Variants in CTNND2 observed in about 807,000 individuals in gnomAD.
CTNND2 encodes catenin delta-2.
In CTNND2, 22 loss-of-function variants were observed where a neutral mutation model predicts 144.4. That is an observed-to-expected ratio of 0.15 (90% CI 0.11 to 0.22). CTNND2 has a LOEUF of 0.22. Among genes scored for constraint, CTNND2 ranks in the 10% least tolerant of loss-of-function variants. The pLI is 1.00. For synonymous variants in CTNND2, 751 were observed against 695.6 expected (o/e 1.08, Z -1.25); for missense variants, 1,353 against 1,618.8 (o/e 0.84, Z 2.82).
At chr5:11,300,314 A>G (rs1339393013) in intron 9 of CTNND2, among the ~76,000 whole-genome samples, 1 of 152,176 alleles carries the variant, frequency 6.6e-6, no homozygotes, top group African/African-American at 2.4e-5. Context: ...AGGACACCCA[A>G]GGGAACTTCA....
intron 10 of CTNND2, among the ~76,000 whole-genome samples, chr5:11,204,391 G>C (rs910759054): frequency 6.6e-6 from 1 of 152,190 alleles, no homozygotes; most frequent in Non-Finnish European, 1.5e-5. Flanking sequence ...TTAAACTCTA[G>C]AACTGAGAGT....
chr5:11,102,809 T>C (rs1752027682), intron 14 of CTNND2, among the ~76,000 whole-genome samples: 2 of 152,000 alleles, frequency 1.3e-5, no homozygotes, highest in African/African-American at 4.8e-5. Context: ...AGAGCATACA[T>C]AATGGCCCCT....
intron 3 of CTNND2, among the ~76,000 whole-genome samples, chr5:11,451,949 C>T (rs1765350140): frequency 6.6e-6 from 1 of 152,180 alleles, no homozygotes; most frequent in African/African-American, 2.4e-5. Context: ...CATGGAATTC[C>T]AAAGTCCACT....
chr5:11,572,848 C>T (rs1280428083), intron 2 of CTNND2, among the ~76,000 whole-genome samples: 1 of 152,126 alleles, frequency 6.6e-6, no homozygotes, highest in African/African-American at 2.4e-5. Context: ...TCTTCTGCAG[C>T]TAAGATTGAA....
At chr5:11,282,668 C>T (rs902560060) in intron 9 of CTNND2, among the ~76,000 whole-genome samples, 4 of 152,186 alleles carry the variant, frequency 2.6e-5, no homozygotes, top group Non-Finnish European at 4.4e-5. Flanking sequence ...ATTTACATAT[C>T]TTTTTTGAAT....
chr5:11,047,876 G>T (rs796599529), intron 16 of CTNND2, among the ~76,000 whole-genome samples: 5 of 152,236 alleles, frequency 3.3e-5, no homozygotes, highest in African/African-American at 1.2e-4. Context: ...TATGCTCCAG[G>T]AGATGGGACT....
At chr5:11,678,087 A>G (rs138158855) in intron 2 of CTNND2, among the ~76,000 whole-genome samples, 243 of 152,300 alleles carry the variant, frequency 1.6e-3, no homozygotes, top group African/African-American at 5.6e-3. Context: ...TGTCAGACAG[A>G]ACTCTGACAA....
rs187992535 is a variant in CTNND2 at position 11,283,567 on chromosome 5, G to A, written c.1629-46744C>T. Among the ~76,000 whole-genome samples, 609 of 150,492 alleles carry A rather than the reference G, an allele frequency of 4.0e-3. 3 individuals are homozygous for A. Among genetic ancestry groups the A allele is most frequent in the Middle Eastern group, 0.014 (4 of 288 alleles). ...CACCTGCCTGTAGTCCCAGCTACAC[G>A]GGAGGCTGAGGTGGGAGAATCACTT... On this transcript the variant is annotated intron_variant, in intron 9 of 21. Transcript: ENST00000304623.
At chr5:11,608,798 C>G (rs905160705) in intron 2 of CTNND2, among the ~76,000 whole-genome samples, 1 of 152,170 alleles carries the variant, frequency 6.6e-6, no homozygotes, top group Non-Finnish European at 1.5e-5. Context: ...CATCATTTTA[C>G]TCTTTTGCCT....
In CTNND2 at chr5:11,040,490, T is replaced by C. The variant is rs539743214; in HGVS notation, c.2789-17511A>G. On this transcript the variant is annotated intron_variant, in intron 16 of 21. Transcript: ENST00000304623. ...CCATCTGTTTGGAAGACAAAAGGAATTGTATGTTTCAGCACCTTGTCTCAT... is the reference window on the plus strand; with the variant it reads ...CCATCTGTTTGGAAGACAAAAGGAACTGTATGTTTCAGCACCTTGTCTCAT... Among the ~76,000 whole-genome samples, 551 of 152,286 alleles carry C rather than the reference T, an allele frequency of 3.6e-3. 2 individuals are homozygous for C. The highest frequency in any genetic ancestry group is 0.012 in the South Asian group (60 of 4,830).
At chr5:11,205,599 C>T (rs1362634758) in intron 10 of CTNND2, among the ~76,000 whole-genome samples, 1 of 152,002 alleles carries the variant, frequency 6.6e-6, no homozygotes, top group Non-Finnish European at 1.5e-5. Context: ...ACACAATTTA[C>T]CTCACTGAAT....
chr5:11,309,878 T>A (rs1371212747), intron 9 of CTNND2, among the ~76,000 whole-genome samples: 1 of 152,054 alleles, frequency 6.6e-6, no homozygotes, highest in African/African-American at 2.4e-5. Flanking sequence ...TGAGTTCTCA[T>A]GTGTGGCACC....
At chr5:11,306,166 G>A (rs1341582055) in intron 9 of CTNND2, among the ~76,000 whole-genome samples, 5 of 152,154 alleles carry the variant, frequency 3.3e-5, no homozygotes, top group African/African-American at 1.2e-4. Context: ...AAGCAAGACT[G>A]AAAGTGCGGA....
chr5:11,400,678 T>C lies in CTNND2; in HGVS notation c.440-3475A>G, dbSNP rs558004160. 6.6e-5 allele frequency among the ~76,000 whole-genome samples: 10 copies of C among 152,332 alleles called. No homozygotes were observed. The East Asian group carries it at 1.7e-3, about 26-fold the overall frequency. On this transcript the variant is annotated intron_variant, in intron 5 of 21. Coordinates refer to ENST00000304623, the MANE Select transcript of CTNND2 (RefSeq NM_001332.4). ...ATTCCATTAATCCTAAGAAGATACATGAAGCAAGGATCTTGAGTGTAACAC... is the reference window on the plus strand; with the variant it reads ...ATTCCATTAATCCTAAGAAGATACACGAAGCAAGGATCTTGAGTGTAACAC...
At chr5:11,023,567 G>A (rs191283068) in intron 16 of CTNND2, among the ~76,000 whole-genome samples, 3 of 152,330 alleles carry the variant, frequency 2.0e-5, no homozygotes, top group Admixed American at 6.5e-5. Flanking sequence ...AACACTGAAA[G>A]CAGGAGAGAG....
At chr5:11,445,003 A>C (rs145524966) in intron 3 of CTNND2, among the ~76,000 whole-genome samples, 1 of 152,314 alleles carries the variant, frequency 6.6e-6, no homozygotes, top group East Asian at 1.9e-4. Flanking sequence ...AAACTGCCTC[A>C]GTTTCCTACG....
chr5:11,675,379 G>A (rs188047808), intron 2 of CTNND2, among the ~76,000 whole-genome samples: 1 of 152,190 alleles, frequency 6.6e-6, no homozygotes, highest in East Asian at 1.9e-4. Context: ...GGCAAGTGCA[G>A]ACATTCTGAA....
intron 10 of CTNND2, among the ~76,000 whole-genome samples, chr5:11,207,947 T>C (rs994357662): frequency 5.3e-5 from 8 of 152,220 alleles, no homozygotes; most frequent in South Asian, 4.1e-4. Context: ...ATTATCAAGA[T>C]TGATGAAAAA....
At chr5:11,158,585 C>T (rs1423781714) in intron 12 of CTNND2, among the ~76,000 whole-genome samples, 3 of 152,094 alleles carry the variant, frequency 2.0e-5, no homozygotes, top group South Asian at 2.1e-4. Flanking sequence ...AAACACATAC[C>T]GCCTCTCAAG....
Sources: allele counts gnomAD v4.1 joint callset (sites outside exome capture counted in the v4.1 genomes callset), GRCh38; gene constraint gnomAD v4.1.1; transcripts MANE v1.5; gene names NCBI Gene and HGNC (gene_info 2026-07-23, HGNC 2026-07-21).